MRPL45: variants seen among roughly 807,000 people sequenced by gnomAD.
MRPL45 encodes the protein large ribosomal subunit protein mL45.
A neutral mutation model predicts 38.1 loss-of-function variants in MRPL45; 20 were observed. The ratio of observed to expected loss-of-function variants is 0.53; its 90% confidence interval spans 0.37 to 0.76. The LOEUF is 0.76. Among genes scored for constraint, MRPL45 ranks in the 30% least tolerant of loss-of-function variants. MRPL45 has a pLI of 0.00. For synonymous variants in MRPL45, 105 were observed against 128.8 expected, an observed-to-expected ratio of 0.82 and a Z score of 1.25; for missense variants, 337 against 395.6, an observed-to-expected ratio of 0.85 and a Z score of 1.26.
At chr17:38,311,359 G>A (rs1037236039) in intron 4 of MRPL45, among the ~76,000 whole-genome samples, 24 of 152,110 alleles carry the variant, frequency 1.6e-4, no homozygotes, top group African/African-American at 5.8e-4. Context: ...TCCTGAGAGT[G>A]GAGCCCTCAT....
Position 38,322,688 on chromosome 17 carries a change from C to T in MRPL45, c.*93C>T. ...CCCCTCATGCTATAAAAAGAACTAC[C>T]TTTGTTCTCTCCCATCCTGCTCAGG... On this transcript the variant is annotated 3_prime_UTR_variant, in exon 8 of 8. Coordinates refer to ENST00000613675, the MANE Select transcript of MRPL45 (RefSeq NM_032351.6). 2 of 954,146 alleles carry T rather than the reference C, an allele frequency of 2.1e-6. No homozygotes were observed. The highest frequency in any genetic ancestry group is 3.2e-6 in the Non-Finnish European group (2 of 627,060). The allele number at this position is 954,146 out of a possible 1,614,324, so 59.1% of individuals were successfully genotyped here.
In MRPL45 at chr17:38,297,522, C is replaced by G. The variant is rs548116781; in HGVS notation, c.66+273C>G. On this transcript the variant is annotated intron_variant, in intron 1 of 7. Transcript: ENST00000613675. ...TGGCGAGGAGATATTAAAGGAGAGA[C>G]AAGTAATGGGTTGGAAGGTGGACTC... Among the ~76,000 whole-genome samples the G allele has an allele frequency of 2.0e-5, 3 of 152,160 alleles. No individual in the cohort carries two copies. In the South Asian group the frequency reaches 6.2e-4, roughly 32 times the overall value.
chr17:38,317,076 A>G lies in MRPL45; in HGVS notation c.462-1611A>G, dbSNP rs75380174. ...CTCCCAAAGTGCTGGGATTACAGGC[A>G]TGAGCCACCGCACCCGGCCCATAAA... On this transcript the variant is annotated intron_variant, in intron 4 of 7. Coordinates refer to ENST00000613675, the MANE Select transcript of MRPL45 (RefSeq NM_032351.6). Among the ~76,000 whole-genome samples, 1,081 of 152,270 alleles carry G rather than the reference A, an allele frequency of 7.1e-3. 8 individuals are homozygous for G. The highest frequency in any genetic ancestry group is 0.022 in the African/African-American group (923 of 41,556).
chr17:38,322,807 A>C lies in MRPL45; in HGVS notation c.*212A>C. On this transcript the variant is annotated 3_prime_UTR_variant, in exon 8 of 8. Coordinates refer to ENST00000613675, the MANE Select transcript of MRPL45 (RefSeq NM_032351.6). Reference sequence around the variant, plus strand: ...ATGGCCATGGACACTCTTCTTTTTTAAATTTTATGTCTAGCTTCTGAGTCT... The same window carrying C: ...ATGGCCATGGACACTCTTCTTTTTTCAATTTTATGTCTAGCTTCTGAGTCT... 1 of 535,238 alleles carries C rather than the reference A, an allele frequency of 1.9e-6. No homozygotes were observed. Among genetic ancestry groups the C allele is most frequent in the Non-Finnish European group, 3.3e-6 (1 of 303,674 alleles). 33.2% of individuals were successfully genotyped at this position (535,238 alleles called of 1,614,324 possible). A position where few individuals can be genotyped will look rare whatever the true frequency, so the allele number is the denominator to read the frequency against.
At chr17:38,303,157 A>G (rs1189279991) in intron 3 of MRPL45, among the ~76,000 whole-genome samples, 2 of 152,174 alleles carry the variant, frequency 1.3e-5, no homozygotes, top group Non-Finnish European at 1.5e-5. Flanking sequence ...GCTGAGTTAT[A>G]TAGTACATTA....
intron 3 of MRPL45, among the ~76,000 whole-genome samples, chr17:38,305,529 C>T (rs1296118412): frequency 6.6e-6 from 1 of 150,644 alleles, no homozygotes; most frequent in Non-Finnish European, 1.5e-5. Context: ...TGGAGTCTCG[C>T]TCTGTTTCCC....
chr17:38,320,471 C>T (rs2037218377), intron 5 of MRPL45, 147 bp from the exon 6 acceptor site: 4 of 784,550 alleles, frequency 5.1e-6, no homozygotes, highest in South Asian at 3.6e-5. Flanking sequence ...TGAGAAGGTG[C>T]AAGAGAAAAT....
rs1338713483 is a variant in MRPL45 at position 38,322,775 on chromosome 17, G to A, written c.*180G>A. The A allele has an allele frequency of 1.7e-6, 1 of 582,794 alleles. No individual in the cohort carries two copies. The highest frequency in any genetic ancestry group is 3.0e-6 in the Non-Finnish European group (1 of 329,972). The allele number at this position is 582,794 out of a possible 1,614,324, so 36.1% of individuals were successfully genotyped here. On this transcript the variant is annotated 3_prime_UTR_variant, in exon 8 of 8. Transcript: ENST00000613675. ...ATGACTGGGCCCTAGCAGGTGGCAG[G>A]TATAACATGGCCATGGACACTCTTC...
chr17:38,318,817 CTTTTCTTTTCTTTTTT>C (rs1168414328), intron 5 of MRPL45, 82 bp downstream of exon 5: 88 of 856,686 alleles, frequency 1.0e-4, no homozygotes, highest in Non-Finnish European at 1.2e-4. Flanking sequence ...CTTTTCTTTT[CTTTTCTTTTCTTTTTT>C]TTTTTTTTTT....
At chr17:38,313,631 T>A (rs910902491) in intron 4 of MRPL45, among the ~76,000 whole-genome samples, 4 of 151,490 alleles carry the variant, frequency 2.6e-5, no homozygotes, top group African/African-American at 7.3e-5. Flanking sequence ...TTTCATGTGC[T>A]ATTGGCCTTT....
chr17:38,304,714 T>C (rs555227079), intron 3 of MRPL45, among the ~76,000 whole-genome samples: 1 of 152,132 alleles, frequency 6.6e-6, no homozygotes. Context: ...CAGCTAATTT[T>C]TGTATTTTTA....
At chr17:38,304,921 A>T (rs1232946656) in intron 3 of MRPL45, among the ~76,000 whole-genome samples, 1 of 149,330 alleles carries the variant, frequency 6.7e-6, no homozygotes, top group Non-Finnish European at 1.5e-5. Context: ...ATCTCAGCTC[A>T]CTGCAACCTC....
intron 1 of MRPL45, among the ~76,000 whole-genome samples, chr17:38,297,968 C>T (rs1357157892): frequency 6.6e-6 from 1 of 152,200 alleles, no homozygotes. Flanking sequence ...TGCGATGGCG[C>T]ACTCCTTAGT....
intron 4 of MRPL45, among the ~76,000 whole-genome samples, chr17:38,312,289 G>A (rs867167898): frequency 1.3e-4 from 20 of 151,994 alleles, no homozygotes; most frequent in Middle Eastern, 3.2e-3. Flanking sequence ...CAGGTGATCC[G>A]CCTGCCTCGG....
chr17:38,307,079 C>G (rs1188828447), intron 4 of MRPL45, among the ~76,000 whole-genome samples: 1 of 151,984 alleles, frequency 6.6e-6, no homozygotes, highest in Non-Finnish European at 1.5e-5. Context: ...GTCGCCCAGG[C>G]TGGGAGTGCA....
intron 4 of MRPL45, among the ~76,000 whole-genome samples, chr17:38,307,019 C>G (rs1037947698): frequency 2.0e-5 from 3 of 152,006 alleles, no homozygotes; most frequent in African/African-American, 7.2e-5. Flanking sequence ...TTCCAGCTCT[C>G]CCTCCACTTT....
intron 4 of MRPL45, among the ~76,000 whole-genome samples, chr17:38,312,298 G>T (rs1216047598): frequency 6.6e-6 from 1 of 151,962 alleles, no homozygotes; most frequent in East Asian, 1.9e-4. Flanking sequence ...CGCCTGCCTC[G>T]GCCTCCGTAA....
Position 38,318,822 on chromosome 17 carries a change from C to CTTTTT in MRPL45, c.510+91_510+92insTTTTT, listed in dbSNP as rs1454412319. 61 of 578,194 alleles carry CTTTTT rather than the reference C, an allele frequency of 1.1e-4. 1 individual carries two copies. In the African/African-American group the frequency reaches 1.3e-3, roughly 13 times the overall value. 35.8% of individuals were successfully genotyped at this position (578,194 alleles called of 1,614,324 possible). A position where few individuals can be genotyped will look rare whatever the true frequency, so the allele number is the denominator to read the frequency against. On this transcript the variant is annotated intron_variant, in intron 5 of 7. Transcript: ENST00000613675. ...TCTGGTTTTTCTTTTCTTTTCTTTT[C>CTTTTT]TTTTCTTTTTTTTTTTTTTTTTGAG... is the stretch of plus-strand genomic sequence containing the variant.
At chr17:38,322,366 G>T (rs1052950844) in intron 7 of MRPL45, 67 bp downstream of exon 7, 4 of 1,362,946 alleles carry the variant, frequency 2.9e-6, no homozygotes, top group Non-Finnish European at 3.9e-6. Context: ...CACTCTGTCG[G>T]GCTCCACCTA....
Sources: gnomAD v4.1 joint callset for allele counts (sites outside exome capture counted in the v4.1 genomes callset) on GRCh38, gnomAD v4.1.1 for gene constraint, MANE v1.5 for transcripts, NCBI Gene and HGNC (gene_info 2026-07-23, HGNC 2026-07-21) for gene names.